Variants in PHF11 observed in about 807,000 individuals in gnomAD.
PHF11 encodes the protein PHD finger protein 11.
A neutral mutation model predicts 40.5 loss-of-function variants in PHF11; 38 were observed. The ratio of observed to expected loss-of-function variants is 0.94; its 90% CI spans 0.72 to 1.23. The LOEUF is 1.23. Among genes scored for constraint, PHF11 ranks in the 50% most tolerant of loss-of-function variants. The pLI is 0.00. For missense variants in PHF11, 369 were observed against 392.4 expected, an observed-to-expected ratio of 0.94 and a Z score of 0.50; for synonymous variants, 127 against 138.2, an observed-to-expected ratio of 0.92 and a Z score of 0.57.
intron 5 of PHF11, 27 bp downstream of exon 5, chr13:49,520,967 G>C (rs1327896743): frequency 2.6e-6 from 4 of 1,542,782 alleles, no homozygotes; most frequent in African/African-American, 1.4e-5. Context: ...TAGCACTGTG[G>C]GTTTTAAAGA....
chr13:49,501,010 T>TTTG (rs1958896275), intron 1 of PHF11, among the ~76,000 whole-genome samples: 2 of 121,086 alleles, frequency 1.7e-5, no homozygotes, highest in Non-Finnish European at 3.2e-5. Context: ...GTTTTTTTTT[T>TTTG]TTTTTGGTTT....
rs3838834 is a variant in PHF11 at position 49,528,946 on chromosome 13, C to CTCT, written c.*283_*285dup. ...GATTCTACTTACAGCCCATGATAGC[C>CTCT]TCTTAGATATAATAAATTTGGATTA... On this transcript the variant is annotated 3_prime_UTR_variant, in exon 10 of 10. Coordinates refer to ENST00000378319, the MANE Select transcript of PHF11 (RefSeq NM_001040443.3). 13,878 of 260,206 alleles carry CTCT rather than the reference C, an allele frequency of 0.053. 613 individuals are homozygous for CTCT. Among genetic ancestry groups the CTCT allele is most frequent in the East Asian group, 0.19 (2,756 of 14,360 alleles). The allele number at this position is 260,206 out of a possible 1,614,324, so 16.1% of individuals were successfully genotyped here. A position where few individuals can be genotyped will look rare whatever the true frequency, so the allele number is the denominator to read the frequency against.
At chr13:49,521,115 A>AT in intron 5 of PHF11, 175 bp downstream of exon 5, 1 of 1,299,524 alleles carries the variant, frequency 7.7e-7, no homozygotes, top group Non-Finnish European at 9.7e-7. Flanking sequence ...TGACTGACTA[A>AT]TTTTTTCTTC....
At chr13:49,505,701 A>G (rs1264129656) in intron 1 of PHF11, among the ~76,000 whole-genome samples, 1 of 151,322 alleles carries the variant, frequency 6.6e-6, no homozygotes, top group African/African-American at 2.4e-5. Context: ...AGATCTCAAC[A>G]GCTGGCTTTC....
At chr13:49,501,084 G>C (rs2139029791) in intron 1 of PHF11, among the ~76,000 whole-genome samples, 1 of 145,158 alleles carries the variant, frequency 6.9e-6, no homozygotes, top group South Asian at 2.2e-4. Context: ...TGCGATCTCG[G>C]CTCACCGCAA....
chr13:49,526,039 C>T (rs1447329814), intron 8 of PHF11: 9 of 329,632 alleles, frequency 2.7e-5, no homozygotes, highest in South Asian at 1.0e-4. Flanking sequence ...CGTGGCGGTG[C>T]GCGCCTGCAA....
At chr13:49,517,632 G>T (rs1045272660) in intron 3 of PHF11, among the ~76,000 whole-genome samples, 1 of 152,176 alleles carries the variant, frequency 6.6e-6, no homozygotes, top group African/African-American at 2.4e-5. Context: ...CACAGCCAGC[G>T]ACCAATCTCG....
chr13:49,499,376 G>C (rs927308682), intron 1 of PHF11, among the ~76,000 whole-genome samples: 2 of 152,146 alleles, frequency 1.3e-5, no homozygotes, highest in Non-Finnish European at 2.9e-5. Context: ...TACCCTAAAG[G>C]AGTCCATTGA....
intron 1 of PHF11, chr13:49,496,364 G>A (rs1441167763): frequency 4.4e-6 from 5 of 1,149,090 alleles, no homozygotes; most frequent in Non-Finnish European, 5.4e-6. Context: ...TGGTGGGCAC[G>A]CTTCGGTTTA....
intron 3 of PHF11, among the ~76,000 whole-genome samples, chr13:49,516,690 C>A (rs1959159470): frequency 6.6e-6 from 1 of 151,908 alleles, no homozygotes; most frequent in Non-Finnish European, 1.5e-5. Flanking sequence ...CCCAAGCCAT[C>A]TTCTGGCTTC....
At chr13:49,519,169 G>C (rs115408713) in intron 4 of PHF11, among the ~76,000 whole-genome samples, 1 of 152,210 alleles carries the variant, frequency 6.6e-6, no homozygotes, top group East Asian at 1.9e-4. Flanking sequence ...AGCAAGTTCC[G>C]TAAGTATTTT....
chr13:49,523,096 G>A, intron 6 of PHF11, 79 bp from the exon 7 acceptor site: 2 of 982,610 alleles, frequency 2.0e-6, no homozygotes. Context: ...ATATCATTTA[G>A]TTATGCACAG....
intron 8 of PHF11, among the ~76,000 whole-genome samples, chr13:49,524,567 C>T (rs7337503): frequency 0.46 from 69,969 of 150,954 alleles, 16,943 homozygotes; most frequent in Middle Eastern, 0.57. Context: ...CTCTGCCTCC[C>T]AAGTTCAAGC....
chr13:49,496,170 C>A, intron 1 of PHF11, 75 bp downstream of exon 1: 5 of 920,386 alleles, frequency 5.4e-6, no homozygotes, highest in Non-Finnish European at 7.2e-6. Flanking sequence ...GCCTGCCTTC[C>A]GGTCGTGGCC....
intron 2 of PHF11, among the ~76,000 whole-genome samples, chr13:49,509,746 T>C (rs963791583): frequency 6.6e-6 from 1 of 152,194 alleles, no homozygotes; most frequent in Non-Finnish European, 1.5e-5. Flanking sequence ...CCTGCTGCCA[T>C]GTAAAACATG....
At chr13:49,508,938 G>C (rs1408659943) in intron 2 of PHF11, among the ~76,000 whole-genome samples, 1 of 152,108 alleles carries the variant, frequency 6.6e-6, no homozygotes, top group Admixed American at 6.5e-5. Context: ...AAATAAGGAA[G>C]TTACCTTTAT....
At chr13:49,526,196 A>C in intron 8 of PHF11, 191 bp from the exon 9 acceptor site, 2 of 526,976 alleles carry the variant, frequency 3.8e-6, no homozygotes, top group Non-Finnish European at 6.8e-6. Flanking sequence ...AAAAAGAAAA[A>C]AGAGAAATGC....
Position 49,524,231 on chromosome 13 carries a change from C to A in PHF11, c.769+15C>A. On this transcript the variant is annotated intron_variant, in intron 8 of 9. Transcript: ENST00000378319. Reference sequence around the variant, plus strand: ...TTCAGAATCAGGTACTGATGAAGAGCAATATTTCGAAGTATAGAGACTTCT... The same window carrying A: ...TTCAGAATCAGGTACTGATGAAGAGAAATATTTCGAAGTATAGAGACTTCT... The A allele has an allele frequency of 1.3e-6, 2 of 1,577,894 alleles. No individual in the cohort carries two copies. The highest frequency in any genetic ancestry group is 1.4e-5 in the African/African-American group (1 of 72,826).
intron 3 of PHF11, among the ~76,000 whole-genome samples, chr13:49,514,748 A>T (rs1245656705): frequency 7.4e-6 from 1 of 134,998 alleles, no homozygotes; most frequent in Non-Finnish European, 1.6e-5. Flanking sequence ...ACAGAGTGAG[A>T]CTCTGTCTCA....
Sources: gnomAD v4.1 joint callset for allele counts (sites outside exome capture counted in the v4.1 genomes callset) on GRCh38, gnomAD v4.1.1 for gene constraint, MANE v1.5 for transcripts, NCBI Gene and HGNC (gene_info 2026-07-23, HGNC 2026-07-21) for gene names.